Variants in LCP1 observed in about 807,000 individuals in gnomAD.
The protein encoded by LCP1 is lymphocyte cytosolic protein 1, also known as plastin-2.
A neutral mutation model predicts 72.0 loss-of-function variants in LCP1; 23 were observed. The ratio of observed to expected loss-of-function variants is 0.32; its 90% CI spans 0.23 to 0.45. The LOEUF is 0.45. LCP1 is among the 20% of genes least tolerant of loss of function. LCP1 has a pLI of 1.00. For synonymous variants in LCP1, 245 were observed against 275.4 expected (o/e 0.89, Z 1.09); for missense variants, 571 against 748.3 (o/e 0.76, Z 2.76).
At chr13:46,154,026 C>T (rs1047587689) in intron 6 of LCP1, among the ~76,000 whole-genome samples, 3 of 152,060 alleles carry the variant, frequency 2.0e-5, no homozygotes, top group South Asian at 2.1e-4. Flanking sequence ...AAGCAAAGGC[C>T]GCCAGTGAAT....
chr13:46,160,413 CTTT>C (rs2045830986), intron 1 of LCP1, among the ~76,000 whole-genome samples: 1 of 152,136 alleles, frequency 6.6e-6, no homozygotes, highest in Non-Finnish European at 1.5e-5. Flanking sequence ...ACATAAATGT[CTTT>C]TTTAAGAGGT....
chr13:46,145,706 G>A lies in LCP1; in HGVS notation c.1175-1186C>T, dbSNP rs1356556436. Among the ~76,000 whole-genome samples the A allele has an allele frequency of 2.5e-5, 2 of 79,384 alleles. 1 individual carries two copies. The allele number at this position is 79,384 out of a possible 152,430, so 52.1% of individuals were successfully genotyped here. On this transcript the variant is annotated intron_variant, in intron 10 of 15. Coordinates refer to ENST00000323076, the MANE Select transcript of LCP1 (RefSeq NM_002298.5). ...GGGCGGATCACGAGGTCAGGAGATCGAGACCATCCCGGCTAAAATGGTGAA... is the reference window on the plus strand; with the variant it reads ...GGGCGGATCACGAGGTCAGGAGATCAAGACCATCCCGGCTAAAATGGTGAA...
chr13:46,132,300 C>T lies in LCP1; in HGVS notation c.1627-1362G>A, dbSNP rs79418400. On this transcript the variant is annotated intron_variant, in intron 14 of 15. Coordinates refer to ENST00000323076, the MANE Select transcript of LCP1 (RefSeq NM_002298.5). ...ATGGGCTGGAGCAGCAGCTATTTTA[C>T]GGAGAGAAGCACCCCTGGGCTATGT... Among the ~76,000 whole-genome samples, 627 of 152,250 alleles carry T rather than the reference C, an allele frequency of 4.1e-3. 3 individuals are homozygous for T. Among genetic ancestry groups the T allele is most frequent in the African/African-American group, 0.014 (595 of 41,542 alleles).
At chr13:46,178,827 A>T (rs1190242415) in intron 1 of LCP1, among the ~76,000 whole-genome samples, 1 of 152,234 alleles carries the variant, frequency 6.6e-6, no homozygotes, top group Non-Finnish European at 1.5e-5. Flanking sequence ...AGCCTTTATA[A>T]TCTTATTTTA....
intron 1 of LCP1, among the ~76,000 whole-genome samples, chr13:46,171,996 G>C (rs1214846543): frequency 1.3e-5 from 2 of 152,256 alleles, no homozygotes; most frequent in Non-Finnish European, 2.9e-5. Context: ...ACTTGAGTAT[G>C]TATGGATTTT....
intron 1 of LCP1, among the ~76,000 whole-genome samples, chr13:46,180,933 A>G (rs1013029460): frequency 6.6e-6 from 1 of 152,212 alleles, no homozygotes; most frequent in Admixed American, 6.5e-5. Flanking sequence ...TGAGATGTGC[A>G]AAGTAACATT....
intron 13 of LCP1, among the ~76,000 whole-genome samples, chr13:46,138,488 C>G (rs550367283): frequency 1.3e-5 from 2 of 152,278 alleles, no homozygotes; most frequent in African/African-American, 4.8e-5. Context: ...GACTTTTTAA[C>G]CAGGTGGAGA....
chr13:46,162,147 T>A (rs1209000628), intron 1 of LCP1, among the ~76,000 whole-genome samples: 1 of 151,988 alleles, frequency 6.6e-6, no homozygotes, highest in Non-Finnish European at 1.5e-5. Context: ...CCAAGTCTTT[T>A]CTCCTCTCCC....
chr13:46,142,539 C>A, intron 12 of LCP1, 114 bp from the exon 13 acceptor site: 1 of 1,150,736 alleles, frequency 8.7e-7, no homozygotes, highest in Non-Finnish European at 1.2e-6. Context: ...GACCGAATGA[C>A]CTCTCAAGTC....
At chr13:46,162,663 C>T (rs1210240694) in intron 1 of LCP1, among the ~76,000 whole-genome samples, 1 of 152,128 alleles carries the variant, frequency 6.6e-6, no homozygotes, top group Non-Finnish European at 1.5e-5. Flanking sequence ...CCTCCACCTC[C>T]CAGCCGCCTG....
intron 1 of LCP1, among the ~76,000 whole-genome samples, chr13:46,174,418 A>G (rs142238065): frequency 6.8e-4 from 104 of 152,304 alleles, no homozygotes; most frequent in African/African-American, 2.3e-3. Flanking sequence ...GCCTAATCTA[A>G]TATCTTCACA....
chr13:46,178,188 T>C (rs571477284), intron 1 of LCP1, among the ~76,000 whole-genome samples: 2 of 152,232 alleles, frequency 1.3e-5, no homozygotes, highest in Non-Finnish European at 2.9e-5. Context: ...AATGCTTTCA[T>C]AGGGTTAAAG....
At chr13:46,173,788 T>A (rs1048886551) in intron 1 of LCP1, among the ~76,000 whole-genome samples, 9 of 152,212 alleles carry the variant, frequency 5.9e-5, no homozygotes, top group African/African-American at 1.7e-4. Context: ...TCCTGAGTGG[T>A]GAAGGGGCTC....
intron 1 of LCP1, chr13:46,169,843 T>G (rs2138278482): frequency 6.6e-6 from 1 of 152,282 alleles, no homozygotes; most frequent in African/African-American, 2.4e-5. Flanking sequence ...CGAGATGAAA[T>G]GTTCAAAAGA....
chr13:46,158,547 G>A lies in LCP1; in HGVS notation c.333C>T (p.Ser111=), dbSNP rs116639858. 2.3e-4 allele frequency: 374 copies of A among 1,614,058 alleles called. 1 individual carries two copies. In the African/African-American group the frequency reaches 4.1e-3, roughly 18 times the overall value. ...CTGAATAGGAGTGTTGGGTGCCAAC[G>A]CTAGACTGCTCTGAAGTACCACCGA... ...CAIGGTSEQS[S]VGTQHSYSEE... is the part of the protein sequence containing the mutation. Residue 111 remains serine (S), a synonymous_variant, in exon 4 of 16, where the codon AGC becomes AGT. Transcript: ENST00000323076.
chr13:46,127,459 C>A lies in LCP1; in HGVS notation c.*132G>T, dbSNP rs1218449739. ...ATACAGGAGAGGCTACTTGGCTGCACTAATATGTGCTTTTTGGAATCTTAT... is the reference window on the plus strand; with the variant it reads ...ATACAGGAGAGGCTACTTGGCTGCAATAATATGTGCTTTTTGGAATCTTAT... On this transcript the variant is annotated 3_prime_UTR_variant, in exon 16 of 16. Coordinates refer to ENST00000323076, the MANE Select transcript of LCP1 (RefSeq NM_002298.5). 4 of 1,182,610 alleles carry A rather than the reference C, an allele frequency of 3.4e-6. No homozygotes were observed. The highest frequency in any genetic ancestry group is 4.7e-6 in the Non-Finnish European group (4 of 845,490). 73.3% of individuals were successfully genotyped at this position (1,182,610 alleles called of 1,614,324 possible). A position where few individuals can be genotyped will look rare whatever the true frequency, so the allele number is the denominator to read the frequency against.
intron 8 of LCP1, 45 bp from the exon 9 acceptor site, chr13:46,148,492 T>G: frequency 8.8e-7 from 1 of 1,140,138 alleles, no homozygotes; most frequent in Non-Finnish European, 1.3e-6. Context: ...GCACAGCTAA[T>G]TACATACTTA....
At position 46,158,637 on chromosome 13, in the gene LCP1, T is replaced by C. The variant is rs1389278583; in HGVS notation, c.243A>G (p.Leu81=). The C allele has an allele frequency of 6.2e-7, 1 of 1,614,194 alleles. No homozygotes were observed. Among genetic ancestry groups the C allele is most frequent in the Non-Finnish European group, 8.5e-7 (1 of 1,180,040 alleles). The change falls in exon 4 of 16, where the codon CTA becomes CTG. Residue 81 remains leucine (L), a synonymous_variant. Transcript: ENST00000323076. ...AGGTCTTGGCAACATCTGTGCTTTTTAGGCCATGGAAAATCTGCAAAAATA... is the reference window on the plus strand; with the variant it reads ...AGGTCTTGGCAACATCTGTGCTTTTCAGGCCATGGAAAATCTGCAAAAATA... The part of the protein sequence containing the change: ...FDEFIKIFHG[L]KSTDVAKTFR...
intron 15 of LCP1, among the ~76,000 whole-genome samples, chr13:46,130,588 GT>G (rs35095925): frequency 0.41 from 57,928 of 142,686 alleles, 11,039 homozygotes; most frequent in East Asian, 0.53. Flanking sequence ...TTATTGGGTT[GT>G]TTTTTTTTTT....
Sources: allele counts gnomAD v4.1 joint callset (sites outside exome capture counted in the v4.1 genomes callset), GRCh38; gene constraint gnomAD v4.1.1; transcripts MANE v1.5; gene names NCBI Gene and HGNC (gene_info 2026-07-23, HGNC 2026-07-21).